CCDC141: variants seen among roughly 807,000 people sequenced by gnomAD.
The protein encoded by CCDC141 is coiled-coil domain containing 141.
CCDC141 carries 168 observed loss-of-function variants against 181.0 expected under a neutral mutation model. That is an observed-to-expected ratio of 0.93 (90% confidence interval 0.82 to 1.05). CCDC141 has a LOEUF of 1.05. CCDC141 is among the 50% of genes least tolerant of loss of function. The pLI, the probability that CCDC141 is intolerant of heterozygous loss-of-function variation, is 0.00. For missense variants in CCDC141, 1,902 were observed against 1,788.5 expected (o/e 1.06, Z -1.14); for synonymous variants, 666 against 642.3 (o/e 1.04, Z -0.56).
At chr2:178,884,088 A>G (rs922399130) in intron 11 of CCDC141, among the ~76,000 whole-genome samples, 2 of 152,192 alleles carry the variant, frequency 1.3e-5, no homozygotes, top group Non-Finnish European at 2.9e-5. Context: ...AGGATATTGT[A>G]AATATTTGTA....
intron 2 of CCDC141, among the ~76,000 whole-genome samples, chr2:179,039,906 G>T (rs2592559): frequency 0.65 from 98,814 of 152,066 alleles, 33,289 homozygotes; most frequent in East Asian, 0.77. Flanking sequence ...AAAGTCTTTT[G>T]TCAGCAAATC....
chr2:178,992,932 G>A (rs561366993), intron 2 of CCDC141, among the ~76,000 whole-genome samples: 3 of 152,242 alleles, frequency 2.0e-5, no homozygotes, highest in South Asian at 4.2e-4. Context: ...ATGTGAGGAA[G>A]GATGTGTTTG....
chr2:178,912,682 A>C (rs946413686), intron 7 of CCDC141, among the ~76,000 whole-genome samples: 5 of 152,148 alleles, frequency 3.3e-5, no homozygotes, highest in African/African-American at 1.2e-4. Context: ...TTCAATTCTT[A>C]AATATCTCTG....
rs1429402944 is a variant in CCDC141 at position 178,835,363 on chromosome 2, A to G, written c.4326-923T>C. 2.6e-5 allele frequency among the ~76,000 whole-genome samples: 4 copies of G among 152,226 alleles called. No homozygotes were observed. The South Asian group carries it at 6.2e-4, about 24-fold the overall frequency. ...ATGCAACTGTATTATGACTATTAATAACATATTTCTAGAAGGTTCCTATGA... is the reference window on the plus strand; with the variant it reads ...ATGCAACTGTATTATGACTATTAATGACATATTTCTAGAAGGTTCCTATGA... On this transcript the variant is annotated intron_variant, in intron 23 of 23. Transcript: ENST00000443758.
rs1409931800 is a variant in CCDC141, at chr2:178,935,860, T to C, written c.897+8675A>G. On this transcript the variant is annotated intron_variant, in intron 6 of 23. Coordinates refer to ENST00000443758, the MANE Select transcript of CCDC141 (RefSeq NM_173648.4). ...CTCTAATAATCAGTGATATTGAGCT[T>C]TTTTTTCATGTTTGTGGGCTACATG... 3.3e-5 allele frequency among the ~76,000 whole-genome samples: 5 copies of C among 152,230 alleles called. No individual in the cohort carries two copies. In the East Asian group the frequency reaches 7.7e-4, roughly 23 times the overall value.
chr2:178,981,081 C>T (rs1011787634), intron 2 of CCDC141, among the ~76,000 whole-genome samples: 2 of 152,072 alleles, frequency 1.3e-5, no homozygotes, highest in African/African-American at 4.8e-5. Flanking sequence ...AGCCTAACAA[C>T]AGAGATTCAA....
chr2:178,834,328 CAT>C lies in CCDC141; in HGVS notation c.4436_4437del (p.Tyr1479CysfsTer8), dbSNP rs1199076713. 4.0e-5 allele frequency: 61 copies of C among 1,536,016 alleles called. No homozygotes were observed. Among genetic ancestry groups the C allele is most frequent in the Non-Finnish European group, 4.6e-5 (53 of 1,146,876 alleles). ...CCGCTAGAGTTTTGGGCCCGAGCCACATAGAGGCCTGCGTCTGCCTTGCATAC... is the reference window on the plus strand; with the variant it reads ...CCGCTAGAGTTTTGGGCCCGAGCCACAGAGGCCTGCGTCTGCCTTGCATAC... The part of the protein sequence containing the change: ...PKVCKADAGL[Y>X]VARAQNSSGA... On this transcript the variant is annotated frameshift_variant, in exon 24 of 24. Transcript: ENST00000443758. LOFTEE classifies it high-confidence loss of function.
chr2:179,030,807 C>G (rs1049759982), intron 2 of CCDC141, among the ~76,000 whole-genome samples: 1 of 152,012 alleles, frequency 6.6e-6, no homozygotes, highest in African/African-American at 2.4e-5. Context: ...TTATTAATTG[C>G]CTTCAAACAT....
At position 178,888,661 on chromosome 2, in the gene CCDC141, C is replaced by T; in HGVS notation, c.1273G>A (p.Val425Met). 1.3e-6 allele frequency: 2 copies of T among 1,550,564 alleles called. No individual in the cohort carries two copies. The highest frequency in any genetic ancestry group is 1.7e-6 in the Non-Finnish European group (2 of 1,146,776). The change falls in exon 9 of 24, where the codon GTG becomes ATG. Residue 425 changes from valine (V) to methionine (M), a missense_variant. Transcript: ENST00000443758. ...CCCATCATCTCATGGATGCCGGACACCTGAGAGCTGAACAGAGCAAGCCAG... is the reference window on the plus strand; with the variant it reads ...CCCATCATCTCATGGATGCCGGACATCTGAGAGCTGAACAGAGCAAGCCAG... Reference protein sequence around the residue: ...ISQVDSCSSQVSGIHEMMGCI... With the variant: ...ISQVDSCSSQMSGIHEMMGCI...
At chr2:178,878,881 A>C (rs1686469981) in intron 11 of CCDC141, among the ~76,000 whole-genome samples, 1 of 152,218 alleles carries the variant, frequency 6.6e-6, no homozygotes. Context: ...CATACATGGA[A>C]TCAGACGATA....
chr2:178,910,505 A>G (rs1688174884), intron 7 of CCDC141, among the ~76,000 whole-genome samples: 1 of 152,190 alleles, frequency 6.6e-6, no homozygotes, highest in Non-Finnish European at 1.5e-5. Context: ...CATTACCTGT[A>G]GAGATTCAGA....
At chr2:178,992,809 G>C (rs923100782) in intron 2 of CCDC141, among the ~76,000 whole-genome samples, 13 of 152,090 alleles carry the variant, frequency 8.5e-5, no homozygotes, top group African/African-American at 3.1e-4. Flanking sequence ...TGAATCATGG[G>C]GGCAGTTACC....
intron 2 of CCDC141, among the ~76,000 whole-genome samples, chr2:179,024,490 A>G (rs1028039236): frequency 9.2e-5 from 14 of 152,204 alleles, no homozygotes; most frequent in African/African-American, 1.2e-4. Flanking sequence ...TATGTCCACA[A>G]TCTCACAAAG....
intron 14 of CCDC141, among the ~76,000 whole-genome samples, chr2:178,870,943 G>A (rs1001550906): frequency 2.0e-5 from 3 of 152,116 alleles, no homozygotes; most frequent in Non-Finnish European, 4.4e-5. Context: ...CTGAAAGGTG[G>A]AGTGGAGGGC....
At chr2:178,838,161 TGTTA>T (rs971269784) in intron 22 of CCDC141, among the ~76,000 whole-genome samples, 1 of 152,196 alleles carries the variant, frequency 6.6e-6, no homozygotes, top group Non-Finnish European at 1.5e-5. Context: ...GAGACTCCCT[TGTTA>T]GGTGATTCCT....
chr2:178,895,727 A>C (rs935731453), intron 8 of CCDC141, among the ~76,000 whole-genome samples: 23 of 152,206 alleles, frequency 1.5e-4, no homozygotes, highest in Non-Finnish European at 3.2e-4. Flanking sequence ...GTAATTTCCT[A>C]AATTTCACTA....
intron 2 of CCDC141, among the ~76,000 whole-genome samples, chr2:179,042,909 A>T (rs927991001): frequency 6.6e-6 from 1 of 152,202 alleles, no homozygotes; most frequent in Non-Finnish European, 1.5e-5. Flanking sequence ...AACCTTCAAA[A>T]AAATCAATGA....
At chr2:178,876,304 A>G (rs917523151) in intron 12 of CCDC141, 6 of 152,234 alleles carry the variant, frequency 3.9e-5, no homozygotes, top group Non-Finnish European at 7.3e-5. Context: ...ATAAAATTAG[A>G]GAACAGAAAA....
rs1321931148 is a variant in CCDC141, at chr2:179,015,103, T to A, written c.225+32181A>T. ...ATATATATATATATATATATATATA[T>A]AATATATATATAATCATATATATAT... On this transcript the variant is annotated intron_variant, in intron 2 of 23. Transcript: ENST00000443758. 1.3e-3 allele frequency among the ~76,000 whole-genome samples: 38 copies of A among 28,210 alleles called. 1 individual carries two copies. The highest frequency in any genetic ancestry group is 4.1e-3 in the South Asian group (4 of 976). 18.5% of individuals were successfully genotyped at this position (28,210 alleles called of 152,430 possible). A position where few individuals can be genotyped will look rare whatever the true frequency, so the allele number is the denominator to read the frequency against.
Sources: gnomAD v4.1 joint callset for allele counts (sites outside exome capture counted in the v4.1 genomes callset) on GRCh38, gnomAD v4.1.1 for gene constraint, MANE v1.5 for transcripts, NCBI Gene and HGNC (gene_info 2026-07-23, HGNC 2026-07-21) for gene names.